Variants in ANKRD27 observed in about 807,000 individuals in gnomAD.
The protein encoded by ANKRD27 is ankyrin repeat domain 27.
A neutral mutation model predicts 129.7 loss-of-function variants in ANKRD27; 112 were observed. The ratio of observed to expected loss-of-function variants is 0.86; its 90% CI spans 0.74 to 1.01. The LOEUF (loss-of-function observed/expected upper bound fraction) is 1.01, where lower values mean the gene tolerates loss of function less well. Ranked by LOEUF, ANKRD27 falls within the 50% of genes least tolerant of loss-of-function variation. ANKRD27 has a pLI of 0.00. For missense variants in ANKRD27, 1,258 were observed against 1,300.5 expected (o/e 0.97, Z 0.50); for synonymous variants, 516 against 511.2 (o/e 1.01, Z -0.13).
At chr19:32,627,677 C>T (rs1281659987) in intron 15 of ANKRD27, among the ~76,000 whole-genome samples, 1 of 152,174 alleles carries the variant, frequency 6.6e-6, no homozygotes, top group Non-Finnish European at 1.5e-5. Flanking sequence ...GGATTACAGG[C>T]ATGAGCCACC....
chr19:32,619,587 G>A (rs189533174), intron 18 of ANKRD27, 34 bp from the exon 19 acceptor site: 22 of 1,610,680 alleles, frequency 1.4e-5, no homozygotes, highest in East Asian at 2.2e-5. Flanking sequence ...ACAGTACCCC[G>A]TGAGATGGGG....
intron 16 of ANKRD27, 52 bp from the exon 17 acceptor site, chr19:32,626,018 G>C: frequency 6.8e-7 from 1 of 1,477,870 alleles, no homozygotes. Flanking sequence ...TCCCTGGGAG[G>C]CCCGGCCTCC....
intron 13 of ANKRD27, among the ~76,000 whole-genome samples, chr19:32,630,582 C>A (rs1018204462): frequency 2.0e-5 from 3 of 152,250 alleles, no homozygotes; most frequent in African/African-American, 7.2e-5. Context: ...AAGCAAGAGG[C>A]CTGGCCTGCG....
intron 23 of ANKRD27, 55 bp downstream of exon 23, chr19:32,607,580 G>T: frequency 6.4e-7 from 1 of 1,572,162 alleles, no homozygotes; most frequent in South Asian, 1.2e-5. Context: ...CCAAGCACAA[G>T]GTCCTAGCCC....
At chr19:32,656,059 A>ACAAG (rs1967514134) in intron 2 of ANKRD27, among the ~76,000 whole-genome samples, 1 of 65,884 alleles carries the variant, frequency 1.5e-5, no homozygotes, top group Non-Finnish European at 3.4e-5. Context: ...GAAAAGAAAG[A>ACAAG]AAAGAAAGAA....
In ANKRD27 at chr19:32,607,821, C is replaced by G. The variant is rs759366842; in HGVS notation, c.2187G>C (p.Lys729Asn). The change falls in exon 23 of 29, where the codon AAG becomes AAC. Residue 729 changes from lysine to asparagine, a missense_variant. Lys to Asn is a moderately conservative substitution (Grantham distance 94). Transcript: ENST00000306065. ...KCAPAQKRLA[K>N]VPASGLGVNV... is the part of the protein sequence containing the mutation. ...TCACACCAAGCCCACTGGCAGGAAC[C>G]TTCGCCAGCCTCTGGGAAGCGCAGA... The G allele has an allele frequency of 6.3e-7, 1 of 1,597,550 alleles. No homozygotes were observed. The highest frequency in any genetic ancestry group is 8.5e-7 in the Non-Finnish European group (1 of 1,173,916).
At position 32,615,512 on chromosome 19, in the gene ANKRD27, C is replaced by T. The variant is rs181067973; in HGVS notation, c.2175+146G>A. 308 of 1,253,370 alleles carry T rather than the reference C, an allele frequency of 2.5e-4. 1 individual carries two copies. The highest frequency in any genetic ancestry group is 1.6e-3 in the East Asian group (66 of 40,654). The allele number at this position is 1,253,370 out of a possible 1,614,324, so 77.6% of individuals were successfully genotyped here. A position where few individuals can be genotyped will look rare whatever the true frequency, so the allele number is the denominator to read the frequency against. ...GGTGAGAGGATCATTTGAGCCCAGGCGGTTGAGGCTGCAGTGGGTCATGAC... is the reference window on the plus strand; with the variant it reads ...GGTGAGAGGATCATTTGAGCCCAGGTGGTTGAGGCTGCAGTGGGTCATGAC... On this transcript the variant is annotated intron_variant, in intron 22 of 28. Coordinates refer to ENST00000306065, the MANE Select transcript of ANKRD27 (RefSeq NM_032139.3).
At position 32,598,365 on chromosome 19, in the gene ANKRD27, C is replaced by T. The variant is rs575861049; in HGVS notation, c.2933G>A (p.Ser978Asn). ...CAGGTTATTCTGTCTCAGTGTGACA[C>T]TTTGCCTCCCTGGCTAAAGAAAAAG... ...EGSLHEPGRQ[S>N]VTLRQNNLPA... The change falls in exon 29 of 29, where the codon AGT becomes AAT. Residue 978 changes from serine (S) to asparagine (N), a missense_variant. Coordinates refer to ENST00000306065, the MANE Select transcript of ANKRD27 (RefSeq NM_032139.3). 1.6e-5 allele frequency: 26 copies of T among 1,614,100 alleles called. No homozygotes were observed. Among genetic ancestry groups the T allele is most frequent in the Non-Finnish European group, 2.0e-5 (24 of 1,180,050 alleles).
chr19:32,648,134 CGAGTGCTTGCAGTCCCA>C (rs1967338524), intron 3 of ANKRD27, among the ~76,000 whole-genome samples: 1 of 151,944 alleles, frequency 6.6e-6, no homozygotes, highest in African/African-American at 2.4e-5. Flanking sequence ...GGCATGGTGG[CGAGTGCTTGCAGTCCCA>C]GACACTCAGG....
intron 2 of ANKRD27, among the ~76,000 whole-genome samples, chr19:32,650,434 G>A (rs562092520): frequency 6.6e-6 from 1 of 151,934 alleles, no homozygotes; most frequent in South Asian, 2.1e-4. Flanking sequence ...CGCCTGTAAT[G>A]CCAGCACTTT....
Position 32,631,455 on chromosome 19 carries a change from T to C in ANKRD27, c.1156A>G (p.Arg386Gly). 6.2e-7 allele frequency: 1 copy of C among 1,614,172 alleles called. No individual in the cohort carries two copies. Among genetic ancestry groups the C allele is most frequent in the Non-Finnish European group, 8.5e-7 (1 of 1,180,028 alleles). The stretch of plus-strand genomic sequence containing the variant: ...GTCATCTGAGAGAGTAAGCTCATTC[T>C]CTGCTTAAGGAACAGCCTGTCTCCA... ...GFGDRLFLKQ[R>G]MSLLSQMTSS... The change falls in exon 13 of 29, where the codon AGA (arginine) becomes GGA (glycine). Residue 386 changes from arginine (R) to glycine (G), a missense_variant. Coordinates refer to ENST00000306065, the MANE Select transcript of ANKRD27 (RefSeq NM_032139.3).
chr19:32,633,805 T>G (rs1195643560), intron 12 of ANKRD27, among the ~76,000 whole-genome samples: 1 of 151,836 alleles, frequency 6.6e-6, no homozygotes, highest in Non-Finnish European at 1.5e-5. Context: ...GAGGATCACA[T>G]GAGCCCAGGA....
intron 3 of ANKRD27, among the ~76,000 whole-genome samples, chr19:32,648,118 T>C (rs1967338063): frequency 6.6e-6 from 1 of 151,888 alleles, no homozygotes; most frequent in South Asian, 2.1e-4. Flanking sequence ...ATACAAAAAT[T>C]ATCCGGGCAT....
At chr19:32,611,126 T>C (rs552804181) in intron 22 of ANKRD27, among the ~76,000 whole-genome samples, 1 of 152,322 alleles carries the variant, frequency 6.6e-6, no homozygotes, top group Non-Finnish European at 1.5e-5. Flanking sequence ...TAAGAGGTTT[T>C]AGAAGTACAG....
intron 1 of ANKRD27, among the ~76,000 whole-genome samples, chr19:32,671,831 C>A (rs1967876200): frequency 6.6e-6 from 1 of 152,180 alleles, no homozygotes; most frequent in Admixed American, 6.5e-5. Flanking sequence ...CCTGCCTGGG[C>A]TCAAATGATG....
chr19:32,608,318 C>CTTTT, intron 22 of ANKRD27: 1 of 220,240 alleles, frequency 4.5e-6, no homozygotes, highest in South Asian at 4.9e-5. Context: ...GCTAATTTCA[C>CTTTT]TTTTTTTTTT....
At chr19:32,632,628 A>AT (rs1967017088) in intron 12 of ANKRD27, among the ~76,000 whole-genome samples, 1 of 151,236 alleles carries the variant, frequency 6.6e-6, no homozygotes, top group Admixed American at 6.6e-5. Flanking sequence ...GATACTTTCC[A>AT]TAATACTTTA....
chr19:32,663,469 A>G, intron 1 of ANKRD27, among the ~76,000 whole-genome samples: 1 of 152,240 alleles, frequency 6.6e-6, no homozygotes, highest in East Asian at 1.9e-4. Context: ...AAAGTTTTCT[A>G]TTTTTAGGTC....
intron 16 of ANKRD27, 128 bp downstream of exon 16, chr19:32,626,584 G>A: frequency 1.5e-6 from 1 of 663,472 alleles, no homozygotes. Flanking sequence ...CAGAGCTGGT[G>A]TGGAACGAGG....
Sources: gnomAD v4.1 joint callset for allele counts (sites outside exome capture counted in the v4.1 genomes callset) on GRCh38, gnomAD v4.1.1 for gene constraint, MANE v1.5 for transcripts, NCBI Gene and HGNC (gene_info 2026-07-23, HGNC 2026-07-21) for gene names.